WDR81: variants seen among roughly 807,000 people sequenced by gnomAD.
WDR81 encodes the protein WD repeat domain 81.
In WDR81, 92 loss-of-function variants were observed where a neutral mutation model predicts 140.8. The observed-to-expected ratio is 0.65, with a 90% confidence interval of 0.55 to 0.78. The LOEUF is 0.78. Ranked by LOEUF, WDR81 falls within the 30% of genes least tolerant of loss-of-function variation. The pLI is 0.00. For synonymous variants in WDR81, 1,183 were observed against 1,156.4 expected, an observed-to-expected ratio of 1.02 and a Z score of -0.47; for missense variants, 2,502 against 2,636.4, an observed-to-expected ratio of 0.95 and a Z score of 1.12.
chr17:1,726,913 C>T lies in WDR81; in HGVS notation c.1954C>T (p.Pro652Ser). The T allele has an allele frequency of 6.4e-7, 1 of 1,550,446 alleles. No homozygotes were observed. The highest frequency in any genetic ancestry group is 8.7e-7 in the Non-Finnish European group (1 of 1,146,982). Residue 652 changes from proline to serine, a missense_variant, in exon 1 of 10, where the codon CCG (proline) becomes TCG (serine). Coordinates refer to ENST00000409644, the MANE Select transcript of WDR81 (RefSeq NM_001163809.2). Reference protein sequence around the residue: ...PCEASWTRDRPVAGEDDLEQA... With the variant: ...PCEASWTRDRSVAGEDDLEQA... ...TGAGGCTAGCTGGACCAGAGACAGG[C>T]CGGTGGCAGGAGAAGACGACTTGGA...
Position 1,733,992 on chromosome 17 carries a change from A to G in WDR81, c.4955A>G (p.Lys1652Arg), listed in dbSNP as rs1478188736. 1.9e-6 allele frequency: 3 copies of G among 1,612,850 alleles called. No homozygotes were observed. The highest frequency in any genetic ancestry group is 2.5e-6 in the Non-Finnish European group (3 of 1,179,980). Residue 1652 changes from lysine to arginine, a missense_variant, in exon 7 of 10, where the codon AAG (lysine) becomes AGG (arginine). By Grantham distance (26) the Lys-to-Arg change is conservative (BLOSUM62 2). This residue lies in a region of WDR81 where 1,737 missense variants were observed against 1,843.0 expected (regional missense o/e 0.94). Coordinates refer to ENST00000409644, the MANE Select transcript of WDR81 (RefSeq NM_001163809.2). ...TTCCCGGGCCACTCGGGGGCCGTCA[A>G]GTGCGTGGCACCCCTAAGCAGCGAG... is the stretch of plus-strand genomic sequence containing the variant. The part of the protein sequence containing the change: ...QSFPGHSGAV[K>R]CVAPLSSEDF...
In WDR81 at chr17:1,730,857, G is replaced by A. The variant is rs202045088; in HGVS notation, c.3878G>A (p.Gly1293Glu). 4.3e-5 allele frequency: 69 copies of A among 1,612,802 alleles called. No homozygotes were observed. Among genetic ancestry groups the A allele is most frequent in the Non-Finnish European group, 5.8e-5 (68 of 1,179,994 alleles). The change falls in exon 3 of 10, where the codon GGG becomes GAG. Residue 1293 changes from glycine to glutamate, a missense_variant. Around this residue, in one of 3 missense-constraint regions of WDR81, gnomAD observed 1,737 missense variants for 1,843.0 expected, o/e 0.94. Coordinates refer to ENST00000409644, the MANE Select transcript of WDR81 (RefSeq NM_001163809.2). ...CCGGTCCTGGGCGACATCGTGTCAGGGCCTGTGCTCAGCTGCCTCCTCCAC... is the reference window on the plus strand; with the variant it reads ...CCGGTCCTGGGCGACATCGTGTCAGAGCCTGTGCTCAGCTGCCTCCTCCAC... ...KRPVLGDIVS[G>E]PVLSCLLHIA...
upstream of WDR81, among the ~76,000 whole-genome samples, chr17:1,719,904 G>A (rs979323095): frequency 2.0e-5 from 3 of 150,928 alleles, no homozygotes; most frequent in Non-Finnish European, 4.4e-5. Context: ...GGAGGCCGAG[G>A]CAGAGGTTGC....
intron 9 of WDR81, among the ~76,000 whole-genome samples, chr17:1,736,918 T>C (rs1904917606): frequency 6.6e-6 from 1 of 152,122 alleles, no homozygotes; most frequent in Non-Finnish European, 1.5e-5. Context: ...CAGCTCAAGG[T>C]GCCCCCAAAT....
intron 1 of WDR81, 38 bp from the exon 2 acceptor site, chr17:1,730,342 G>A: frequency 9.7e-6 from 15 of 1,543,630 alleles, no homozygotes; most frequent in African/African-American, 1.4e-5. Flanking sequence ...ATGAGCCCCT[G>A]TTATCTGAGG....
Position 1,725,721 on chromosome 17 carries a change from C to G in WDR81, c.762C>G (p.Thr254=), listed in dbSNP as rs1447504292. 1.9e-6 allele frequency: 3 copies of G among 1,550,402 alleles called. No individual in the cohort carries two copies. Among genetic ancestry groups the G allele is most frequent in the Non-Finnish European group, 2.6e-6 (3 of 1,147,044 alleles). ...TCACCTTCAGCCCTGCCAAGCTGAC[C>G]AACAGCCAGGCCAAGGTGCTGTTCA... is the stretch of plus-strand genomic sequence containing the variant. ...DVVTFSPAKL[T]NSQAKVLFIL... Residue 254 remains threonine (T), a synonymous_variant, in exon 1 of 10, where the codon ACC becomes ACG. Transcript: ENST00000409644.
chr17:1,718,115 A>ATT (rs530920493), intron 1 of WDR81, among the ~76,000 whole-genome samples: 5 of 141,074 alleles, frequency 3.5e-5, no homozygotes, highest in African/African-American at 1.0e-4. Context: ...CTCCTTATTT[A>ATT]TTTTTTTTTT....
At chr17:1,720,776 A>G (rs1914822231), upstream of WDR81, among the ~76,000 whole-genome samples, 1 of 151,914 alleles carries the variant, frequency 6.6e-6, no homozygotes, top group Admixed American at 6.6e-5. Context: ...AGAAAAAAAA[A>G]AAAAAAAGAA....
rs1263693467 is a variant in WDR81 at position 1,726,658 on chromosome 17, C to T, written c.1699C>T (p.His567Tyr). Reference sequence around the variant, plus strand: ...TGTCAAGGAAAAGAATGTGTGTCTGCACCTGGTGGACGCCCACACTCACCT... The same window carrying T: ...TGTCAAGGAAAAGAATGTGTGTCTGTACCTGGTGGACGCCCACACTCACCT... The part of the protein sequence containing the change: ...EAVKEKNVCL[H>Y]LVDAHTHLAS... Residue 567 changes from histidine to tyrosine, a missense_variant, in exon 1 of 10, where the codon CAC becomes TAC. Transcript: ENST00000409644. 1.1e-5 allele frequency: 17 copies of T among 1,550,120 alleles called. No homozygotes were observed. The highest frequency in any genetic ancestry group is 4.1e-5 in the African/African-American group (3 of 73,046).
intron 1 of WDR81, chr17:1,716,705 T>A: frequency 6.7e-7 from 1 of 1,503,736 alleles, no homozygotes; most frequent in Non-Finnish European, 9.0e-7. Flanking sequence ...AGCCCCTCCT[T>A]GTTGGAGTCG....
At position 1,724,776 on chromosome 17, in the gene WDR81, C is replaced by A. The variant is rs1915104855; in HGVS notation, c.-184C>A. 46 of 1,162,828 alleles carry A rather than the reference C, an allele frequency of 4.0e-5. No individual in the cohort carries two copies. The highest frequency in any genetic ancestry group is 4.5e-5 in the Non-Finnish European group (42 of 943,632). The allele number at this position is 1,162,828 out of a possible 1,614,324, so 72.0% of individuals were successfully genotyped here. On this transcript the variant is annotated 5_prime_UTR_variant, in exon 1 of 10. Coordinates refer to ENST00000409644, the MANE Select transcript of WDR81 (RefSeq NM_001163809.2). ...GCCCCGCCGCGCCCGGAGCGCAGGA[C>A]CCGCGGAGGGGTAAGCGCGCCCCCC...
At position 1,728,424 on chromosome 17, in the gene WDR81, A is replaced by G. The variant is rs1425146089; in HGVS notation, c.3465A>G (p.Glu1155=). The change falls in exon 1 of 10, where the codon GAA becomes GAG. Residue 1155 remains glutamate (E), a synonymous_variant. Transcript: ENST00000409644. ...AGCAAAGCGAGGGCTCCGAGGAGGAAGAGGAGGAGGAGGACAGCTGCGTGG... is the reference window on the plus strand; with the variant it reads ...AGCAAAGCGAGGGCTCCGAGGAGGAGGAGGAGGAGGAGGACAGCTGCGTGG... ...DLKQSEGSEE[E]EEEEDSCVVL... 1.2e-6 allele frequency: 2 copies of G among 1,612,426 alleles called. No homozygotes were observed. Among genetic ancestry groups the G allele is most frequent in the Non-Finnish European group, 8.5e-7 (1 of 1,179,520 alleles).
chr17:1,735,877 G>T lies in WDR81; in HGVS notation c.5325+160G>T. On this transcript the variant is annotated intron_variant, in intron 8 of 9. Coordinates refer to ENST00000409644, the MANE Select transcript of WDR81 (RefSeq NM_001163809.2). The surrounding 1 kb of genome is among the most constrained non-coding windows in gnomAD (Gnocchi z 4.2). ...CACAGCCACACATCCTGCGGGGCAG[G>T]ACTCTGGCCTGTGATGGGGGTGGGG... 7.3e-7 allele frequency: 1 copy of T among 1,363,758 alleles called. No individual in the cohort carries two copies. The allele number at this position is 1,363,758 out of a possible 1,614,324, so 84.5% of individuals were successfully genotyped here.
chr17:1,729,053 C>G (rs1401312835), intron 1 of WDR81, among the ~76,000 whole-genome samples: 1 of 152,218 alleles, frequency 6.6e-6, no homozygotes, highest in African/African-American at 2.4e-5. Flanking sequence ...GGACCACCGG[C>G]AACACAAATG....
upstream of WDR81, among the ~76,000 whole-genome samples, chr17:1,721,526 AT>A (rs1179012604): frequency 2.6e-5 from 4 of 151,948 alleles, no homozygotes; most frequent in African/African-American, 9.7e-5. Context: ...GTCAAAAAAA[AT>A]AAATAAAAAA....
In WDR81 at chr17:1,726,892, G is replaced by T; in HGVS notation, c.1933G>T (p.Ala645Ser). The change falls in exon 1 of 10, where the codon GCT (alanine) becomes TCT (serine). Residue 645 changes from alanine (A) to serine (S), a missense_variant. Ala to Ser is a moderately conservative substitution (Grantham distance 99, BLOSUM62 1). Around this residue, in one of 3 missense-constraint regions of WDR81, gnomAD observed 1,737 missense variants for 1,843.0 expected, o/e 0.94. Transcript: ENST00000409644. ...AGTTTTAGAGGCCACTCCCTGTGAG[G>T]CTAGCTGGACCAGAGACAGGCCGGT... is the stretch of plus-strand genomic sequence containing the variant. ...RPVLEATPCE[A>S]SWTRDRPVAG... The T allele has an allele frequency of 6.4e-7, 1 of 1,550,450 alleles. No homozygotes were observed. Among genetic ancestry groups the T allele is most frequent in the Non-Finnish European group, 8.7e-7 (1 of 1,146,972 alleles).
upstream of WDR81, among the ~76,000 whole-genome samples, chr17:1,720,266 G>A (rs775500436): frequency 2.0e-5 from 3 of 152,098 alleles, no homozygotes; most frequent in Non-Finnish European, 4.4e-5. Flanking sequence ...CAAGGGGAGC[G>A]GCTAATTTGG....
chr17:1,733,845 A>G lies in WDR81; in HGVS notation c.4808A>G (p.Lys1603Arg), dbSNP rs746164767. Reference sequence around the variant, plus strand: ...AGCGGGAGCGACGACAACGCCCTGAAGCAGGAGCTGCCGCGGAGCGTGCAC... The same window carrying G: ...AGCGGGAGCGACGACAACGCCCTGAGGCAGGAGCTGCCGCGGAGCGTGCAC... Reference protein sequence around the residue: ...LGSGSDDNALKQELPRSVHGL... With the variant: ...LGSGSDDNALRQELPRSVHGL... The change falls in exon 7 of 10, where the codon AAG becomes AGG. Residue 1603 changes from lysine (K) to arginine (R), a missense_variant. Lys to Arg is a conservative substitution (Grantham distance 26). Coordinates refer to ENST00000409644, the MANE Select transcript of WDR81 (RefSeq NM_001163809.2). 3.7e-6 allele frequency: 6 copies of G among 1,612,550 alleles called. No homozygotes were observed. The East Asian group carries it at 6.7e-5, about 18-fold the overall frequency.
At chr17:1,722,078 G>C (rs1406288559), upstream of WDR81, among the ~76,000 whole-genome samples, 1 of 151,628 alleles carries the variant, frequency 6.6e-6, no homozygotes, top group Non-Finnish European at 1.5e-5. Flanking sequence ...AGCTGAGATC[G>C]CGCCATTGCA....
Sources: allele counts gnomAD v4.1 joint callset (sites outside exome capture counted in the v4.1 genomes callset), GRCh38; gene constraint gnomAD v4.1.1; regional missense constraint gnomAD v4.1.1; non-coding constraint Gnocchi (gnomAD v3.1); transcripts MANE v1.5; gene names NCBI Gene and HGNC (gene_info 2026-07-23, HGNC 2026-07-21).